Variants in COG3 observed in about 807,000 individuals in gnomAD.
The protein encoded by COG3 is conserved oligomeric Golgi complex subunit 3.
A neutral mutation model predicts 114.1 loss-of-function variants in COG3; 32 were observed. The observed-to-expected ratio is 0.28, with a 90% CI of 0.21 to 0.38. COG3 has a LOEUF of 0.38. Ranked by LOEUF, COG3 falls within the 10% of genes least tolerant of loss-of-function variation. COG3 has a pLI of 1.00. For synonymous variants in COG3, 352 were observed against 365.7 expected, an observed-to-expected ratio of 0.96 and a Z score of 0.43; for missense variants, 813 against 973.2, an observed-to-expected ratio of 0.84 and a Z score of 2.19.
intron 8 of COG3, among the ~76,000 whole-genome samples, chr13:45,487,924 A>G (rs1305480818): frequency 2.0e-5 from 3 of 152,208 alleles, no homozygotes; most frequent in African/African-American, 7.2e-5. Flanking sequence ...TCAAAGGGAT[A>G]CCTGTGTTGA....
intron 13 of COG3, among the ~76,000 whole-genome samples, chr13:45,498,356 C>CTTTTTTTT (rs61289410): frequency 3.4e-5 from 4 of 117,688 alleles, no homozygotes; most frequent in Admixed American, 9.4e-5. Context: ...CTTCAGATGT[C>CTTTTTTTT]TTTTTTTTTT....
chr13:45,522,079 AC>A (rs1872220464), intron 19 of COG3, among the ~76,000 whole-genome samples: 1 of 152,196 alleles, frequency 6.6e-6, no homozygotes, highest in African/African-American at 2.4e-5. Context: ...TGCTGAGATA[AC>A]AGGCAGGAGC....
intron 19 of COG3, among the ~76,000 whole-genome samples, chr13:45,524,269 T>C (rs186938911): frequency 6.6e-6 from 1 of 152,358 alleles, no homozygotes; most frequent in Admixed American, 6.5e-5. Flanking sequence ...ACACGTTTTA[T>C]GCAGTTTCTC....
chr13:45,529,751 C>T, intron 20 of COG3, 40 bp from the exon 21 acceptor site: 3 of 1,503,214 alleles, frequency 2.0e-6, no homozygotes, highest in Admixed American at 2.1e-5. Context: ...TATTTCTTTT[C>T]TTTTTCTTTA....
intron 1 of COG3, among the ~76,000 whole-genome samples, chr13:45,468,709 A>G (rs1415754633): frequency 1.3e-5 from 2 of 152,214 alleles, no homozygotes; most frequent in African/African-American, 4.8e-5. Flanking sequence ...TTACTATTTA[A>G]TGTTAGTGTC....
intron 12 of COG3, among the ~76,000 whole-genome samples, chr13:45,495,271 A>G (rs547258725): frequency 6.6e-6 from 1 of 151,350 alleles, no homozygotes; most frequent in Non-Finnish European, 1.5e-5. Context: ...TACAGGCATG[A>G]GCCACCATGC....
intron 19 of COG3, among the ~76,000 whole-genome samples, chr13:45,521,283 C>T (rs1287268748): frequency 6.6e-6 from 1 of 152,194 alleles, no homozygotes; most frequent in Non-Finnish European, 1.5e-5. Context: ...GTTCATGGAC[C>T]TGTTTTTATA....
chr13:45,526,650 A>G (rs1159197159), intron 20 of COG3, among the ~76,000 whole-genome samples: 3 of 152,166 alleles, frequency 2.0e-5, no homozygotes, highest in South Asian at 2.1e-4. Context: ...GGAACGTTCT[A>G]TTGTCTTTAT....
At position 45,489,185 on chromosome 13, in the gene COG3, TC is replaced by T. The variant is rs1334516593; in HGVS notation, c.925-1729del. 1.0e-3 allele frequency among the ~76,000 whole-genome samples: 23 copies of T among 23,100 alleles called. 1 individual carries two copies. In the South Asian group the frequency reaches 0.016, roughly 17 times the overall value. 15.2% of individuals were successfully genotyped at this position (23,100 alleles called of 152,430 possible). On this transcript the variant is annotated intron_variant, in intron 8 of 22. Transcript: ENST00000349995. ...CTGGGTGACAAAGTGAGACTCTGTTTCAAAAAAAAAAAAAAAAAAAAAAAAA... is the reference window on the plus strand; with the variant it reads ...CTGGGTGACAAAGTGAGACTCTGTTTAAAAAAAAAAAAAAAAAAAAAAAAA...
At chr13:45,515,189 T>C (rs1871414465) in intron 16 of COG3, among the ~76,000 whole-genome samples, 1 of 152,190 alleles carries the variant, frequency 6.6e-6, no homozygotes, top group Admixed American at 6.5e-5. Context: ...ATGTGTAGCA[T>C]TTCCCACTTA....
At chr13:45,524,089 A>T (rs1018022350) in intron 19 of COG3, among the ~76,000 whole-genome samples, 1 of 152,152 alleles carries the variant, frequency 6.6e-6, no homozygotes, top group African/African-American at 2.4e-5. Flanking sequence ...GAAGAGATCC[A>T]AGTCAACATT....
intron 15 of COG3, among the ~76,000 whole-genome samples, chr13:45,511,015 C>T (rs1870800558): frequency 6.6e-6 from 1 of 152,154 alleles, no homozygotes; most frequent in Non-Finnish European, 1.5e-5. Flanking sequence ...AATGAATAGG[C>T]TCATATTTAT....
At chr13:45,527,929 A>T (rs1475484685) in intron 20 of COG3, among the ~76,000 whole-genome samples, 1 of 152,152 alleles carries the variant, frequency 6.6e-6, no homozygotes, top group Non-Finnish European at 1.5e-5. Context: ...CTCCATCTCG[A>T]GAGAGAGCTA....
chr13:45,505,449 A>C (rs1454390207), intron 14 of COG3, among the ~76,000 whole-genome samples: 1 of 151,250 alleles, frequency 6.6e-6, no homozygotes, highest in East Asian at 2.0e-4. Flanking sequence ...CTACAGGTGC[A>C]CACCAGCACG....
At chr13:45,498,946 T>C (rs1869163692) in intron 13 of COG3, among the ~76,000 whole-genome samples, 2 of 152,104 alleles carry the variant, frequency 1.3e-5, no homozygotes, top group Admixed American at 6.5e-5. Context: ...GCTCCAGGAA[T>C]GTTTCACATT....
chr13:45,471,741 CT>C (rs549368322), intron 1 of COG3, among the ~76,000 whole-genome samples: 2 of 146,132 alleles, frequency 1.4e-5, no homozygotes, highest in Non-Finnish European at 3.0e-5. Flanking sequence ...TTTTTTTGGT[CT>C]TTTTTTTGAG....
At chr13:45,523,829 A>G (rs1419045034) in intron 19 of COG3, among the ~76,000 whole-genome samples, 1 of 152,234 alleles carries the variant, frequency 6.6e-6, no homozygotes, top group Non-Finnish European at 1.5e-5. Flanking sequence ...ACACATTAGT[A>G]TATTTATATT....
At position 45,481,359 on chromosome 13, in the gene COG3, C is replaced by G. The variant is rs1486866816; in HGVS notation, c.624+55C>G. 4 of 943,334 alleles carry G rather than the reference C, an allele frequency of 4.2e-6. No homozygotes were observed. The East Asian group carries it at 1.0e-4, about 25-fold the overall frequency. The allele number at this position is 943,334 out of a possible 1,614,324, so 58.4% of individuals were successfully genotyped here. On this transcript the variant is annotated intron_variant, in intron 5 of 22. Coordinates refer to ENST00000349995, the MANE Select transcript of COG3 (RefSeq NM_031431.4). Reference sequence around the variant, plus strand: ...TTAGTGATTTTTGTTTTATTTTTGCCTTTCTTCGTGTCATCTTTTAATCTA... The same window carrying G: ...TTAGTGATTTTTGTTTTATTTTTGCGTTTCTTCGTGTCATCTTTTAATCTA...
chr13:45,501,977 A>G (rs1869589328), intron 13 of COG3, among the ~76,000 whole-genome samples: 3 of 152,182 alleles, frequency 2.0e-5, no homozygotes. Context: ...TTACTTTTTA[A>G]ATAATATACA....
Sources: gnomAD v4.1 joint callset for allele counts (sites outside exome capture counted in the v4.1 genomes callset) on GRCh38, gnomAD v4.1.1 for gene constraint, MANE v1.5 for transcripts, NCBI Gene and HGNC (gene_info 2026-07-23, HGNC 2026-07-21) for gene names.